CUX1: variants seen among roughly 807,000 people sequenced by gnomAD.
CUX1 encodes cut like homeobox 1.
In CUX1, 31 loss-of-function variants were observed where a neutral mutation model predicts 158.8. That is an observed-to-expected ratio of 0.20 (90% CI 0.15 to 0.26). The LOEUF is 0.26. Among genes scored for constraint, CUX1 ranks in the 10% least tolerant of loss-of-function variants. CUX1 has a pLI of 1.00. For synonymous variants in CUX1, 879 were observed against 862.1 expected, an observed-to-expected ratio of 1.02 and a Z score of -0.34; for missense variants, 1,589 against 2,014.6, an observed-to-expected ratio of 0.79 and a Z score of 4.04.
chr7:102,243,382 T>C (rs1554535602), intron 23 of CUX1, among the ~76,000 whole-genome samples: 1 of 151,920 alleles, frequency 6.6e-6, no homozygotes, highest in African/African-American at 2.4e-5. Flanking sequence ...AAATATGGGA[T>C]CCAAGAGATG....
intron 8 of CUX1, among the ~76,000 whole-genome samples, chr7:102,124,399 G>A (rs1051980066): frequency 7.9e-5 from 12 of 152,242 alleles, no homozygotes; most frequent in Non-Finnish European, 1.2e-4. Flanking sequence ...TTATCACAGC[G>A]CTGTTCACAC....
chr7:101,963,801 A>G (rs1810805548), intron 2 of CUX1, among the ~76,000 whole-genome samples: 1 of 151,856 alleles, frequency 6.6e-6, no homozygotes, highest in Non-Finnish European at 1.5e-5. Context: ...ACAGGTGTGT[A>G]CCACGACATC....
intron 11 of CUX1, 147 bp downstream of exon 11, chr7:102,178,804 C>T (rs1792691231): frequency 1.3e-5 from 11 of 815,902 alleles, no homozygotes; most frequent in South Asian, 3.7e-5. Context: ...AGCAGAGTCC[C>T]GGAGTCCATG....
chr7:102,019,468 AC>A (rs1350838021), intron 2 of CUX1, among the ~76,000 whole-genome samples: 3 of 152,054 alleles, frequency 2.0e-5, no homozygotes, highest in Non-Finnish European at 2.9e-5. Flanking sequence ...CATGTGATCC[AC>A]CTGCCTTGGC....
intron 2 of CUX1, among the ~76,000 whole-genome samples, chr7:102,018,738 GCGTGCGT>G (rs1818978446): frequency 5.8e-5 from 3 of 51,746 alleles, no homozygotes; most frequent in African/African-American, 2.2e-4. Flanking sequence ...GAGCTTGAGT[GCGTGCGT>G]GCGTGCGTGC....
At chr7:102,262,957 C>T (rs549806265), downstream of CUX1, among the ~76,000 whole-genome samples, 10 of 150,308 alleles carry the variant, frequency 6.7e-5, no homozygotes, top group Non-Finnish European at 1.3e-4. Flanking sequence ...ATAGTTGCTT[C>T]GAAGGTGATC....
chr7:102,068,269 T>A (rs1437883247), intron 3 of CUX1, among the ~76,000 whole-genome samples: 1 of 151,852 alleles, frequency 6.6e-6, no homozygotes. Context: ...ATTTTTTTGT[T>A]TTTTGTAAAA....
chr7:101,927,273 T>G (rs962124547), intron 2 of CUX1, among the ~76,000 whole-genome samples: 1 of 152,168 alleles, frequency 6.6e-6, no homozygotes, highest in Non-Finnish European at 1.5e-5. Context: ...AAAGCCCTGA[T>G]CATCTTGGCT....
chr7:102,089,089 T>C (rs1554481468), intron 4 of CUX1, among the ~76,000 whole-genome samples: 1 of 152,236 alleles, frequency 6.6e-6, no homozygotes, highest in East Asian at 1.9e-4. Flanking sequence ...TTAAATTCAC[T>C]GATCTTTTTC....
intron 4 of CUX1, among the ~76,000 whole-genome samples, chr7:102,095,511 A>G (rs1349053224): frequency 6.6e-6 from 1 of 152,136 alleles, no homozygotes. Context: ...CGTTGAGCCC[A>G]ACATATCCCA....
intron 20 of CUX1, among the ~76,000 whole-genome samples, chr7:102,221,872 A>G (rs1338564845): frequency 2.6e-5 from 4 of 152,046 alleles, no homozygotes; most frequent in Non-Finnish European, 4.4e-5. Context: ...CCCATTTTCA[A>G]TTGTCCTGGT....
intron 4 of CUX1, among the ~76,000 whole-genome samples, chr7:102,085,369 C>T (rs537241508): frequency 6.6e-5 from 10 of 152,262 alleles, no homozygotes; most frequent in African/African-American, 2.2e-4. Context: ...GCTATCTCAT[C>T]TTGAATTGTA....
intron 10 of CUX1, among the ~76,000 whole-genome samples, chr7:102,178,047 T>C (rs111648750): frequency 0.065 from 9,912 of 152,122 alleles, 444 homozygotes; most frequent in African/African-American, 0.12. Flanking sequence ...CACCACCACG[T>C]GCCTATAATT....
At position 101,853,584 on chromosome 7, in the gene CUX1, GGTGTGTGTGT is replaced by G. The variant is rs59324904; in HGVS notation, c.30+35944_30+35953del. Among the ~76,000 whole-genome samples the G allele has an allele frequency of 5.1e-4, 72 of 140,786 alleles. 1 individual carries two copies. The highest frequency in any genetic ancestry group is 1.4e-3 in the South Asian group (6 of 4,308). The allele number at this position is 140,786 out of a possible 152,430, so 92.4% of individuals were successfully genotyped here. A position where few individuals can be genotyped will look rare whatever the true frequency, so the allele number is the denominator to read the frequency against. ...TATATCAGAGCATGGCAATAGAAAG[GGTGTGTGTGT>G]GTGTGTGTGTGTGTGTGTGTGTGTG... On this transcript the variant is annotated intron_variant, in intron 1 of 23. Coordinates refer to ENST00000292535, the MANE Select transcript of CUX1 (RefSeq NM_181552.4).
chr7:102,267,456 C>T (rs1790892022), intron 14 of CUX1, among the ~76,000 whole-genome samples: 1 of 151,860 alleles, frequency 6.6e-6, no homozygotes, highest in Non-Finnish European at 1.5e-5. Context: ...ATCACTTGAA[C>T]CTGGGAGAGA....
At chr7:102,005,430 G>C (rs535327289) in intron 2 of CUX1, among the ~76,000 whole-genome samples, 25 of 152,298 alleles carry the variant, frequency 1.6e-4, no homozygotes, top group African/African-American at 6.0e-4. Context: ...GAGCTCCTGG[G>C]CTCAAGCGAT....
At chr7:101,945,601 G>T (rs1018870745) in intron 2 of CUX1, among the ~76,000 whole-genome samples, 1 of 152,326 alleles carries the variant, frequency 6.6e-6, no homozygotes, top group East Asian at 1.9e-4. Context: ...TGAGTACCCA[G>T]TGGGACATCC....
At chr7:101,894,324 T>C (rs1481160237) in intron 1 of CUX1, among the ~76,000 whole-genome samples, 1 of 152,248 alleles carries the variant, frequency 6.6e-6, no homozygotes, top group Non-Finnish European at 1.5e-5. Flanking sequence ...TTTGTTTGTT[T>C]GTTTTTTGAG....
Position 102,248,400 on chromosome 7 carries a change from G to T in CUX1, c.3888-12G>T. ...CACCCCCCTCACGTCCCCGCCGCTT[G>T]TTGTCTTGTAGGTCTCGGATCCGCA... On this transcript the variant is annotated splice_polypyrimidine_tract_variant and intron_variant, in intron 23 of 23. Transcript: ENST00000292535. The surrounding 1 kb of genome is among the most constrained non-coding windows in gnomAD (Gnocchi z 5.8). 6.3e-7 allele frequency: 1 copy of T among 1,584,556 alleles called. No homozygotes were observed.
Sources: allele counts gnomAD v4.1 joint callset (sites outside exome capture counted in the v4.1 genomes callset), GRCh38; gene constraint gnomAD v4.1.1; non-coding constraint Gnocchi (gnomAD v3.1); transcripts MANE v1.5; gene names NCBI Gene and HGNC (gene_info 2026-07-23, HGNC 2026-07-21).